METTL17: variants seen among roughly 807,000 people sequenced by gnomAD.
METTL17 encodes the protein ribosome assembly protein METTL17, mitochondrial.
METTL17 carries 49 observed loss-of-function variants against 59.4 expected under a neutral mutation model. The ratio of observed to expected loss-of-function variants is 0.82; its 90% CI spans 0.66 to 1.05. The LOEUF (loss-of-function observed/expected upper bound fraction) is 1.05, where lower values mean the gene tolerates loss of function less well. Ranked by LOEUF, METTL17 falls within the 50% of genes least tolerant of loss-of-function variation. The pLI is 0.00. For missense variants in METTL17, 555 were observed against 578.4 expected, an observed-to-expected ratio of 0.96 and a Z score of 0.41; for synonymous variants, 208 against 209.2, an observed-to-expected ratio of 0.99 and a Z score of 0.05.
Position 20,993,735 on chromosome 14 carries a change from A to C in METTL17, c.603-234A>C, listed in dbSNP as rs528266314. On this transcript the variant is annotated intron_variant, in intron 6 of 13. Coordinates refer to ENST00000339374, the MANE Select transcript of METTL17 (RefSeq NM_022734.3). Reference sequence around the variant, plus strand: ...TGATCCGCCCACCTTGGCCTCCCAAAGTGCTGGGATTACAAGCATGAGCCA... The same window carrying C: ...TGATCCGCCCACCTTGGCCTCCCAACGTGCTGGGATTACAAGCATGAGCCA... 1.3e-4 allele frequency: 40 copies of C among 302,214 alleles called. No homozygotes were observed. In the East Asian group the frequency reaches 1.5e-3, roughly 11 times the overall value. 18.7% of individuals were successfully genotyped at this position (302,214 alleles called of 1,614,324 possible).
At chr14:20,995,117 C>CT in intron 9 of METTL17, 48 bp from the exon 10 acceptor site, 1 of 1,544,952 alleles carries the variant, frequency 6.5e-7, no homozygotes, top group Non-Finnish European at 9.0e-7. Flanking sequence ...GACATTTATA[C>CT]TTTCGTGTAA....
chr14:20,993,492 T>G (rs1241488470), intron 6 of METTL17: 1 of 365,298 alleles, frequency 2.7e-6, no homozygotes, highest in African/African-American at 2.1e-5. Context: ...TTTTTCTTTT[T>G]TGAAACGGTG....
At chr14:20,991,198 T>C (rs1253783026) in intron 3 of METTL17, among the ~76,000 whole-genome samples, 1 of 152,188 alleles carries the variant, frequency 6.6e-6, no homozygotes, top group Admixed American at 6.5e-5. Flanking sequence ...CTTCTAAGTT[T>C]TTATTCAGGT....
chr14:20,994,176 T>C, intron 7 of METTL17, 113 bp downstream of exon 7: 2 of 776,464 alleles, frequency 2.6e-6, no homozygotes, highest in South Asian at 1.7e-5. Context: ...GAATCTGGTT[T>C]ACTTTTAAAG....
chr14:20,995,951 GGTGA>G lies in METTL17; in HGVS notation c.996+3_996+6del, dbSNP rs1880344933. On this transcript the variant is annotated splice_donor_variant and splice_donor_region_variant and intron_variant, in intron 11 of 13. Transcript: ENST00000339374. LOFTEE classifies it high-confidence loss of function. The stretch of plus-strand genomic sequence containing the variant: ...CTCGACCTGGTTTTGTCTTTGCCCC[GGTGA>G]GTATTACTTCTGCCTGTCCCACCAC... The G allele has an allele frequency of 5.0e-6, 8 of 1,613,856 alleles. No homozygotes were observed. Among genetic ancestry groups the G allele is most frequent in the Admixed American group, 1.7e-5 (1 of 59,996 alleles).
In METTL17 at chr14:20,996,655, G is replaced by T. The variant is rs759104086; in HGVS notation, c.1209G>T (p.Leu403Phe). The T allele has an allele frequency of 6.2e-7, 1 of 1,614,110 alleles. No individual in the cohort carries two copies. The highest frequency in any genetic ancestry group is 8.5e-7 in the Non-Finnish European group (1 of 1,180,044). Reference protein sequence around the residue: ...LKRPRHVHCHLCCPDGHMQHA... With the variant: ...LKRPRHVHCHFCCPDGHMQHA... ...GGCCTCGCCATGTGCATTGTCACTT[G>T]TGCTGTCCAGATGGGCACATGCAGC... is the stretch of plus-strand genomic sequence containing the variant. Residue 403 changes from leucine (L) to phenylalanine (F), a missense_variant, in exon 13 of 14, where the codon TTG (leucine) becomes TTT (phenylalanine). Transcript: ENST00000339374.
Position 20,992,626 on chromosome 14 carries a change from A to G in METTL17, c.528+4A>G. On this transcript the variant is annotated splice_donor_region_variant and intron_variant, in intron 5 of 13. Transcript: ENST00000339374. ...AGTCTCCAGAGCATTCCATGAGGTG[A>G]AAGTCCCTTAACTTCCAACCTGAAC... 1 of 1,611,282 alleles carries G rather than the reference A, an allele frequency of 6.2e-7. No homozygotes were observed. The highest frequency in any genetic ancestry group is 8.5e-7 in the Non-Finnish European group (1 of 1,177,638).
chr14:20,996,805 G>A lies in METTL17; in HGVS notation c.1286G>A (p.Arg429His), dbSNP rs139733527. The change falls in exon 14 of 14, where the codon CGT becomes CAT. Residue 429 changes from arginine (R) to histidine (H), a missense_variant. Arg to His is a conservative substitution (Grantham distance 29). Transcript: ENST00000339374. ...RHGRDLYRCARVSSWGDLLPV... is the reference protein window; with the variant it reads ...RHGRDLYRCAHVSSWGDLLPV... ...CACAGGGATTTGTATCGTTGTGCCC[G>A]TGTCAGCTCCTGGGGAGATCTTTTA... 1.6e-5 allele frequency: 26 copies of A among 1,614,078 alleles called. No individual in the cohort carries two copies. In the South Asian group the frequency reaches 1.6e-4, roughly 10 times the overall value.
intron 9 of METTL17, 96 bp from the exon 10 acceptor site, chr14:20,995,069 A>T: frequency 8.0e-7 from 1 of 1,248,896 alleles, no homozygotes; most frequent in Non-Finnish European, 1.2e-6. Flanking sequence ...TCTTTTTAGG[A>T]CTCCTTCTCC....
At chr14:20,993,632 AC>A (rs1880170190) in intron 6 of METTL17, 1 of 217,558 alleles carries the variant, frequency 4.6e-6, no homozygotes, top group Admixed American at 5.4e-5. Context: ...ACGCCACCAC[AC>A]CCAGCTAATT....
chr14:20,996,167 G>C (rs779957869), intron 11 of METTL17, 42 bp from the exon 12 acceptor site: 1 of 1,567,014 alleles, frequency 6.4e-7, no homozygotes, highest in Non-Finnish European at 8.8e-7. Flanking sequence ...TTTTGTGATT[G>C]ATGGCTCTTT....
chr14:20,990,853 A>T, intron 3 of METTL17: 1 of 475,052 alleles, frequency 2.1e-6, no homozygotes, highest in Non-Finnish European at 3.7e-6. Flanking sequence ...TTGCTTTGAG[A>T]CAGAGTCTTG....
intron 3 of METTL17, among the ~76,000 whole-genome samples, chr14:20,991,118 G>A (rs1880011034): frequency 6.6e-6 from 1 of 151,974 alleles, no homozygotes; most frequent in African/African-American, 2.4e-5. Flanking sequence ...ATGAACCACC[G>A]CGCCTGGCTA....
chr14:20,992,552 G>T lies in METTL17; in HGVS notation c.458G>T (p.Gly153Val), dbSNP rs751915309. The change falls in exon 5 of 14, where the codon GGA (glycine) becomes GTA (valine). Residue 153 changes from glycine (G) to valine (V), a missense_variant. Transcript: ENST00000339374. ...YHWQELSYTE[G>V]LSLVYMAARL... ...GATTTTAATGGCAGCTACACTGAGG[G>T]ACTGAGCCTGGTGTATATGGCAGCA... 2 of 1,613,652 alleles carry T rather than the reference G, an allele frequency of 1.2e-6. No homozygotes were observed. The highest frequency in any genetic ancestry group is 1.1e-5 in the South Asian group (1 of 91,072).
chr14:20,995,099 C>T lies in METTL17; in HGVS notation c.877-66C>T, dbSNP rs140692825. The T allele has an allele frequency of 7.8e-4, 1,135 of 1,446,238 alleles. 5 individuals are homozygous for T. In the African/African-American group the frequency reaches 0.014, roughly 18 times the overall value. 89.6% of individuals were successfully genotyped at this position (1,446,238 alleles called of 1,614,324 possible). A position where few individuals can be genotyped will look rare whatever the true frequency, so the allele number is the denominator to read the frequency against. On this transcript the variant is annotated intron_variant, in intron 9 of 13. Transcript: ENST00000339374. ...TTCTCCCTCTATGATTGCTCTTACA[C>T]AGCTACTGACATTTATACTTTCGTG... is the stretch of plus-strand genomic sequence containing the variant.
intron 9 of METTL17, 82 bp from the exon 10 acceptor site, chr14:20,995,083 T>A: frequency 7.4e-7 from 1 of 1,352,984 alleles, no homozygotes. Context: ...CTTCTCCCTC[T>A]ATGATTGCTC....
Position 20,993,194 on chromosome 14 carries a change from G to A in METTL17, c.602+3G>A. On this transcript the variant is annotated splice_donor_region_variant and intron_variant, in intron 6 of 13. Transcript: ENST00000339374. Reference sequence around the variant, plus strand: ...TCAGGTACTGGTTCTGTCACCTGGTGAGTAACTTTCTTCAGCCCTATCTTG... The same window carrying A: ...TCAGGTACTGGTTCTGTCACCTGGTAAGTAACTTTCTTCAGCCCTATCTTG... 1 of 1,613,890 alleles carries A rather than the reference G, an allele frequency of 6.2e-7. No homozygotes were observed. The highest frequency in any genetic ancestry group is 8.5e-7 in the Non-Finnish European group (1 of 1,179,796).
intron 6 of METTL17, chr14:20,993,488 T>A: frequency 2.7e-6 from 1 of 366,592 alleles, no homozygotes; most frequent in Non-Finnish European, 4.9e-6. Flanking sequence ...TTTTTTTTTC[T>A]TTTTTGAAAC....
At chr14:20,992,246 G>T in intron 4 of METTL17, 41 bp downstream of exon 4, 1 of 1,310,848 alleles carries the variant, frequency 7.6e-7, no homozygotes, top group South Asian at 1.3e-5. Context: ...AGCAAAGGTA[G>T]ACTTTAGAAA....
Sources: allele counts gnomAD v4.1 joint callset (sites outside exome capture counted in the v4.1 genomes callset), GRCh38; gene constraint gnomAD v4.1.1; transcripts MANE v1.5; gene names NCBI Gene and HGNC (gene_info 2026-07-23, HGNC 2026-07-21).